Variants in PDIA3 observed in about 807,000 individuals in gnomAD.
The protein encoded by PDIA3 is protein disulfide isomerase family A member 3.
A neutral mutation model predicts 56.9 loss-of-function variants in PDIA3; 16 were observed. The ratio of observed to expected loss-of-function variants is 0.28; its 90% CI spans 0.19 to 0.43. The LOEUF is 0.43. Ranked by LOEUF, PDIA3 falls within the 20% of genes least tolerant of loss-of-function variation. The pLI, the probability that PDIA3 is intolerant of heterozygous loss-of-function variation, is 1.00. For missense variants in PDIA3, 485 were observed against 621.3 expected, an observed-to-expected ratio of 0.78 and a Z score of 2.33; for synonymous variants, 192 against 216.5, an observed-to-expected ratio of 0.89 and a Z score of 0.99.
Position 43,746,656 on chromosome 15 carries a change from C to G in PDIA3, c.117C>G (p.Ile39Met), listed in dbSNP as rs747839953. 5.6e-6 allele frequency: 9 copies of G among 1,612,984 alleles called. No homozygotes were observed. The highest frequency in any genetic ancestry group is 1.6e-4 in the Middle Eastern group (1 of 6,062). ...ELTDDNFESR[I>M]SDTGSAGLML... ...CGGACGACAACTTCGAGAGTCGCAT[C>G]TCCGACACGGGCTCTGCGGGCCTCA... Residue 39 changes from isoleucine (I) to methionine (M), a missense_variant, in exon 1 of 13, where the codon ATC becomes ATG. By Grantham distance (10) the Ile-to-Met change is conservative. Coordinates refer to ENST00000300289, the MANE Select transcript of PDIA3 (RefSeq NM_005313.5).
intron 10 of PDIA3, among the ~76,000 whole-genome samples, chr15:43,769,860 A>G (rs1596025969): frequency 1.3e-5 from 2 of 152,226 alleles, no homozygotes; most frequent in South Asian, 4.1e-4. Context: ...CCTCAGGCTC[A>G]ATCTAGATAA....
At chr15:43,754,858 G>A (rs2086767897) in intron 2 of PDIA3, among the ~76,000 whole-genome samples, 1 of 151,930 alleles carries the variant, frequency 6.6e-6, no homozygotes, top group South Asian at 2.1e-4. Context: ...CAGAGGCTGA[G>A]GTGGAAGGAT....
intron 7 of PDIA3, 103 bp from the exon 8 acceptor site, chr15:43,766,625 A>G (rs1206190490): frequency 1.2e-5 from 10 of 861,360 alleles, no homozygotes; most frequent in Non-Finnish European, 1.8e-5. Context: ...GAAGGCTAGA[A>G]CTATAGAACT....
At chr15:43,768,411 A>G (rs2086861521) in intron 8 of PDIA3, 78 bp from the exon 9 acceptor site, 2 of 1,047,856 alleles carry the variant, frequency 1.9e-6, no homozygotes, top group Non-Finnish European at 3.0e-6. Flanking sequence ...ATACATAGTA[A>G]CTATTCAAAG....
At chr15:43,767,307 G>A (rs1445509419) in intron 8 of PDIA3, among the ~76,000 whole-genome samples, 2 of 152,180 alleles carry the variant, frequency 1.3e-5, no homozygotes, top group African/African-American at 2.4e-5. Flanking sequence ...AACCAGGATC[G>A]TGCCATTGCA....
In PDIA3 at chr15:43,750,452, G is replaced by A. The variant is rs574639252; in HGVS notation, c.168-3372G>A. 4.0e-5 allele frequency among the ~76,000 whole-genome samples: 6 copies of A among 151,674 alleles called. No individual in the cohort carries two copies. In the East Asian group the frequency reaches 5.9e-4, roughly 15 times the overall value. ...ACTATTTAAATGTTTGGAAATGTCCGAAAATTTATTGATTAGTGTTAATAT... is the reference window on the plus strand; with the variant it reads ...ACTATTTAAATGTTTGGAAATGTCCAAAAATTTATTGATTAGTGTTAATAT... On this transcript the variant is annotated intron_variant, in intron 1 of 12. Transcript: ENST00000300289.
chr15:43,770,996 T>TA (rs1289179699), intron 12 of PDIA3, 109 bp from the exon 13 acceptor site: 2 of 694,826 alleles, frequency 2.9e-6, no homozygotes, highest in Admixed American at 5.3e-5. Context: ...ATGGGCAGTA[T>TA]ATGTGGCTGC....
chr15:43,763,178 C>T lies in PDIA3; in HGVS notation c.574C>T (p.Leu192=). Residue 192 remains leucine, a synonymous_variant, in exon 5 of 13, where the codon CTG becomes TTG. Transcript: ENST00000300289. Reference sequence around the variant, plus strand: ...ATTTGCACATACGAATGTTGAGTCTCTGGTGAACGAGTATGATGATAATGG... The same window carrying T: ...ATTTGCACATACGAATGTTGAGTCTTTGGTGAACGAGTATGATGATAATGG... ...YRFAHTNVES[L]VNEYDDNGEG... 6.2e-7 allele frequency: 1 copy of T among 1,614,094 alleles called. No homozygotes were observed. The highest frequency in any genetic ancestry group is 8.5e-7 in the Non-Finnish European group (1 of 1,179,964).
intron 3 of PDIA3, among the ~76,000 whole-genome samples, chr15:43,758,767 G>A (rs1407517239): frequency 6.6e-6 from 1 of 152,018 alleles, no homozygotes; most frequent in African/African-American, 2.4e-5. Flanking sequence ...CTTGAGGTCA[G>A]GAGTTCTAGA....
At position 43,749,741 on chromosome 15, in the gene PDIA3, A is replaced by T. The variant is rs1269094918; in HGVS notation, c.167+3035A>T. Among the ~76,000 whole-genome samples the T allele has an allele frequency of 9.9e-5, 15 of 152,176 alleles. No individual in the cohort carries two copies. In the East Asian group the frequency reaches 2.7e-3, roughly 28 times the overall value. The stretch of plus-strand genomic sequence containing the variant: ...CCAGGAGGCAGTGGCGAGGTAAGAG[A>T]CCAGCCTGGGCAGCATGGCCAGACC... On this transcript the variant is annotated intron_variant, in intron 1 of 12. Coordinates refer to ENST00000300289, the MANE Select transcript of PDIA3 (RefSeq NM_005313.5).
chr15:43,761,655 GAC>G (rs770477952), intron 4 of PDIA3, 124 bp downstream of exon 4: 23 of 587,146 alleles, frequency 3.9e-5, no homozygotes, highest in Non-Finnish European at 7.1e-5. Context: ...GAAGGCAACT[GAC>G]AGAATTGGGT....
chr15:43,761,673 A>G (rs895818607), intron 4 of PDIA3, 142 bp downstream of exon 4: 22 of 578,216 alleles, frequency 3.8e-5, no homozygotes, highest in Non-Finnish European at 6.9e-5. Context: ...TGGGTCAGCA[A>G]TTACTATAAT....
chr15:43,750,171 ATTTTTT>A (rs781370240), intron 1 of PDIA3, among the ~76,000 whole-genome samples: 3 of 117,392 alleles, frequency 2.6e-5, no homozygotes, highest in East Asian at 2.8e-4. Flanking sequence ...TGTCTGGCTA[ATTTTTT>A]TTTTTTTTTT....
At chr15:43,753,725 T>C in intron 1 of PDIA3, 99 bp from the exon 2 acceptor site, 1 of 845,246 alleles carries the variant, frequency 1.2e-6, no homozygotes. Flanking sequence ...GTCTACTAGC[T>C]CAAAGGTAGT....
rs189506936 is a variant in PDIA3, at chr15:43,771,922, C to A, written c.*704C>A. On this transcript the variant is annotated 3_prime_UTR_variant, in exon 13 of 13. Transcript: ENST00000300289. ...GATGGGTTCCTGTTTATCCTTGCCA[C>A]GCAGCTGAGCTTACTGCATGTTTAT... The A allele has an allele frequency of 3.5e-6, 1 of 288,738 alleles. No individual in the cohort carries two copies. The highest frequency in any genetic ancestry group is 6.4e-6 in the Non-Finnish European group (1 of 156,798). 17.9% of individuals were successfully genotyped at this position (288,738 alleles called of 1,614,324 possible).
At chr15:43,754,420 G>A (rs376061499) in intron 2 of PDIA3, among the ~76,000 whole-genome samples, 5 of 149,138 alleles carry the variant, frequency 3.4e-5, no homozygotes, top group East Asian at 3.9e-4. Context: ...AAAATTAAAA[G>A]TAGTGAGAGT....
intron 1 of PDIA3, among the ~76,000 whole-genome samples, chr15:43,748,053 A>C (rs1567154052): frequency 6.6e-6 from 1 of 152,210 alleles, no homozygotes; most frequent in South Asian, 2.1e-4. Flanking sequence ...GGGGGTGTCA[A>C]TAATTTGTAA....
At chr15:43,769,003 G>A (rs576738217) in intron 9 of PDIA3, among the ~76,000 whole-genome samples, 323 of 150,588 alleles carry the variant, frequency 2.1e-3, no homozygotes, top group Non-Finnish European at 4.1e-3. Context: ...CAGCCTGGGC[G>A]ACAAGAGCGA....
At chr15:43,751,905 CAT>C (rs1371649313) in intron 1 of PDIA3, 1 of 470,120 alleles carries the variant, frequency 2.1e-6, no homozygotes, top group Admixed American at 3.4e-5. Context: ...ACAATTAACT[CAT>C]AAATCTGTTG....
Sources: allele counts gnomAD v4.1 joint callset (sites outside exome capture counted in the v4.1 genomes callset), GRCh38; gene constraint gnomAD v4.1.1; transcripts MANE v1.5; gene names NCBI Gene and HGNC (gene_info 2026-07-23, HGNC 2026-07-21).